Variants in ARHGAP28 observed in about 807,000 individuals in gnomAD.
The protein encoded by ARHGAP28 is rho GTPase-activating protein 28.
A neutral mutation model predicts 90.7 loss-of-function variants in ARHGAP28; 56 were observed. The observed-to-expected ratio is 0.62, with a 90% CI of 0.50 to 0.77. ARHGAP28 has a LOEUF of 0.77. ARHGAP28 is among the 30% of genes least tolerant of loss of function. ARHGAP28 has a pLI of 0.00. For synonymous variants in ARHGAP28, 308 were observed against 323.3 expected, an observed-to-expected ratio of 0.95 and a Z score of 0.51; for missense variants, 869 against 900.9, an observed-to-expected ratio of 0.96 and a Z score of 0.45.
intron 1 of ARHGAP28, among the ~76,000 whole-genome samples, chr18:6,820,540 A>G (rs2056619836): frequency 6.6e-6 from 1 of 152,240 alleles, no homozygotes; most frequent in Non-Finnish European, 1.5e-5. Flanking sequence ...TTGATGAAAG[A>G]CATTAGCCCA....
chr18:6,828,619 C>CT (rs2056693050), intron 2 of ARHGAP28, among the ~76,000 whole-genome samples: 1 of 152,138 alleles, frequency 6.6e-6, no homozygotes, highest in African/African-American at 2.4e-5. Flanking sequence ...AGGTAAGGGT[C>CT]TAGTTTCATT....
Position 6,883,551 on chromosome 18 carries a change from A to C in ARHGAP28, c.1453+1252A>C, listed in dbSNP as rs149530903. The stretch of plus-strand genomic sequence containing the variant: ...CCACACCTGGCCCAGCCACTAATTT[A>C]AATTTTAAAATGTTGTGTGAACTTA... On this transcript the variant is annotated intron_variant, in intron 11 of 17. Coordinates refer to ENST00000383472, the MANE Select transcript of ARHGAP28 (RefSeq NM_001366230.1). 1.2e-4 allele frequency among the ~76,000 whole-genome samples: 18 copies of C among 152,136 alleles called. No homozygotes were observed. The East Asian group carries it at 3.5e-3, about 29-fold the overall frequency.
At chr18:6,861,755 A>G (rs1019617291) in intron 5 of ARHGAP28, among the ~76,000 whole-genome samples, 8 of 151,962 alleles carry the variant, frequency 5.3e-5, no homozygotes, top group Non-Finnish European at 1.0e-4. Context: ...ATATTTTTCT[A>G]TTTCTTTATT....
intron 1 of ARHGAP28, among the ~76,000 whole-genome samples, chr18:6,737,790 A>G (rs1600140086): frequency 6.6e-6 from 1 of 152,232 alleles, no homozygotes; most frequent in South Asian, 2.1e-4. Flanking sequence ...ATTAGTCTCT[A>G]AAGTGGGAAA....
At chr18:6,873,323 A>G in intron 7 of ARHGAP28, 86 bp from the exon 8 acceptor site, 1 of 1,155,212 alleles carries the variant, frequency 8.7e-7, no homozygotes, top group African/African-American at 1.5e-5. Flanking sequence ...TACTGCATAG[A>G]TTTAGAGTGT....
chr18:6,773,867 C>A (rs1311571669), intron 1 of ARHGAP28: 1 of 152,110 alleles, frequency 6.6e-6, no homozygotes. Context: ...TAATCTCAGC[C>A]TTCTTGAGGC....
At chr18:6,824,243 A>T (rs1399333044) in intron 1 of ARHGAP28, among the ~76,000 whole-genome samples, 1 of 152,192 alleles carries the variant, frequency 6.6e-6, no homozygotes, top group Admixed American at 6.5e-5. Flanking sequence ...ATTATAAAGT[A>T]CAGAGAATTT....
At chr18:6,807,429 A>G (rs1042584077) in intron 1 of ARHGAP28, among the ~76,000 whole-genome samples, 1 of 152,120 alleles carries the variant, frequency 6.6e-6, no homozygotes, top group Admixed American at 6.6e-5. Flanking sequence ...TTATAGTTCT[A>G]TAAATATTTT....
intron 1 of ARHGAP28, among the ~76,000 whole-genome samples, chr18:6,787,142 C>G (rs2056371267): frequency 1.3e-5 from 2 of 149,838 alleles, no homozygotes; most frequent in Admixed American, 6.7e-5. Context: ...ATTGCTTGAA[C>G]CTGGGAGGCG....
At chr18:6,848,290 A>T (rs2056882288) in intron 3 of ARHGAP28, among the ~76,000 whole-genome samples, 1 of 152,102 alleles carries the variant, frequency 6.6e-6, no homozygotes, top group Non-Finnish European at 1.5e-5. Context: ...TCTCAATATA[A>T]TATATTTCTA....
At chr18:6,904,891 A>G (rs2057357008) in intron 16 of ARHGAP28, among the ~76,000 whole-genome samples, 1 of 152,216 alleles carries the variant, frequency 6.6e-6, no homozygotes, top group Admixed American at 6.5e-5. Flanking sequence ...GACTAGCTGA[A>G]TAGTGCTATA....
In ARHGAP28 at chr18:6,896,614, A is replaced by G. The variant is rs1379896474; in HGVS notation, c.2018A>G (p.Gln673Arg). The change falls in exon 16 of 18, where the codon CAA becomes CGA. Residue 673 changes from glutamine (Q) to arginine (R), a missense_variant. Physicochemically the swap from Gln to Arg is conservative, Grantham distance 43. Transcript: ENST00000383472. ...GCCAAAGACATATTGGCAAAATTTC[A>G]ATATGAAAACAGGTGAGTCAATGTG... ...TKAKDILAKF[Q>R]YENSHGSSEC... 6.2e-7 allele frequency: 1 copy of G among 1,613,990 alleles called. No individual in the cohort carries two copies. The highest frequency in any genetic ancestry group is 1.7e-5 in the Admixed American group (1 of 60,008).
intron 11 of ARHGAP28, among the ~76,000 whole-genome samples, chr18:6,886,145 C>A (rs966306135): frequency 3.3e-5 from 5 of 152,166 alleles, no homozygotes; most frequent in Non-Finnish European, 1.5e-5. Flanking sequence ...TAGCTTGTCA[C>A]AAGTGTTTCC....
At chr18:6,901,892 A>G (rs1409015758) in intron 16 of ARHGAP28, among the ~76,000 whole-genome samples, 3 of 152,200 alleles carry the variant, frequency 2.0e-5, no homozygotes, top group Non-Finnish European at 4.4e-5. Flanking sequence ...AAAGCTCAGC[A>G]GGAGAAACTC....
At position 6,914,300 on chromosome 18, in the gene ARHGAP28, G is replaced by T. The variant is rs142895896; in HGVS notation, c.*2146G>T. On this transcript the variant is annotated 3_prime_UTR_variant, in exon 18 of 18. Coordinates refer to ENST00000383472, the MANE Select transcript of ARHGAP28 (RefSeq NM_001366230.1). ...TGTGGTTTTAAATGGCAGGGACTTC[G>T]CTGAGTCAGTAAGTATAATCACTCT... The T allele has an allele frequency of 6.6e-6, 1 of 152,074 alleles. No homozygotes were observed. Among genetic ancestry groups the T allele is most frequent in the Non-Finnish European group, 1.5e-5 (1 of 68,010 alleles). The allele number at this position is 152,074 out of a possible 1,614,324, so 9.4% of individuals were successfully genotyped here.
chr18:6,828,444 C>A (rs1391184387), intron 2 of ARHGAP28, among the ~76,000 whole-genome samples: 2 of 152,122 alleles, frequency 1.3e-5, no homozygotes, highest in African/African-American at 4.8e-5. Context: ...TCCCACTTGT[C>A]AATTTTTGTT....
At chr18:6,906,249 C>G (rs2057364149) in intron 16 of ARHGAP28, among the ~76,000 whole-genome samples, 3 of 152,110 alleles carry the variant, frequency 2.0e-5, no homozygotes, top group African/African-American at 7.2e-5. Flanking sequence ...CACAAATAGG[C>G]CCATCTGATT....
chr18:6,885,049 G>T (rs990658419), intron 11 of ARHGAP28, among the ~76,000 whole-genome samples: 1 of 152,124 alleles, frequency 6.6e-6, no homozygotes, highest in African/African-American at 2.4e-5. Context: ...GTGTGACGTT[G>T]TAATTTTCAG....
intron 1 of ARHGAP28, among the ~76,000 whole-genome samples, chr18:6,777,559 C>T (rs373616980): frequency 3.4e-4 from 52 of 151,932 alleles, no homozygotes; most frequent in African/African-American, 1.1e-3. Context: ...CACATGTCTA[C>T]GAAAAGTTTT....
Sources: allele counts gnomAD v4.1 joint callset (sites outside exome capture counted in the v4.1 genomes callset), GRCh38; gene constraint gnomAD v4.1.1; transcripts MANE v1.5; gene names NCBI Gene and HGNC (gene_info 2026-07-23, HGNC 2026-07-21).